The following RBFOX1 variants were observed in gnomAD, a reference collection of about 807,000 sequenced individuals.
RBFOX1 encodes the protein RNA binding protein fox-1 homolog 1.
A neutral mutation model predicts 57.7 loss-of-function variants in RBFOX1; 8 were observed. The observed-to-expected ratio is 0.14, with a 90% confidence interval of 0.08 to 0.25. The LOEUF (loss-of-function observed/expected upper bound fraction) is 0.25, where lower values mean the gene tolerates loss of function less well. Among genes scored for constraint, RBFOX1 ranks in the 10% least tolerant of loss-of-function variants. RBFOX1 has a pLI of 1.00. For missense variants in RBFOX1, 611 were observed against 548.5 expected, an observed-to-expected ratio of 1.11 and a Z score of -1.14; for synonymous variants, 326 against 222.4, an observed-to-expected ratio of 1.47 and a Z score of -4.15.
intron 3 of RBFOX1, among the ~76,000 whole-genome samples, chr16:5,801,050 T>G (rs1219386585): frequency 6.6e-6 from 1 of 152,122 alleles, no homozygotes; most frequent in Non-Finnish European, 1.5e-5. Context: ...GGATTGCCAC[T>G]TTTGATGAAG....
intron 1 of RBFOX1, among the ~76,000 whole-genome samples, chr16:6,204,841 T>G (rs1004398857): frequency 1.3e-5 from 2 of 152,096 alleles, no homozygotes; most frequent in Non-Finnish European, 2.9e-5. Flanking sequence ...AACCCGTAGC[T>G]TTCTGCAAAA....
intron 3 of RBFOX1, among the ~76,000 whole-genome samples, chr16:6,844,977 GTCT>G (rs1254088302): frequency 6.6e-6 from 1 of 152,116 alleles, no homozygotes; most frequent in Admixed American, 6.6e-5. Flanking sequence ...CCGCATGTAT[GTCT>G]TCTTTTGAGA....
At chr16:6,964,785 G>A (rs929098802) in intron 3 of RBFOX1, among the ~76,000 whole-genome samples, 50 of 152,186 alleles carry the variant, frequency 3.3e-4, no homozygotes, top group African/African-American at 1.0e-3. Context: ...CAGCAGGGCT[G>A]TTTGAAAAGC....
At chr16:7,049,759 C>G (rs2049329853) in intron 3 of RBFOX1, among the ~76,000 whole-genome samples, 1 of 152,152 alleles carries the variant, frequency 6.6e-6, no homozygotes, top group African/African-American at 2.4e-5. Flanking sequence ...ATACAGATTT[C>G]CTTGCTGCAT....
At chr16:7,487,813 C>G (rs150876723) in intron 4 of RBFOX1, among the ~76,000 whole-genome samples, 259 of 152,224 alleles carry the variant, frequency 1.7e-3, no homozygotes, top group African/African-American at 5.4e-3. Context: ...ATCCTGATAG[C>G]TTTATTGGAG....
intron 3 of RBFOX1, among the ~76,000 whole-genome samples, chr16:6,778,959 C>G (rs2079863888): frequency 6.6e-6 from 1 of 151,816 alleles, no homozygotes; most frequent in African/African-American, 2.4e-5. Context: ...ATGATCAAAT[C>G]AAGGTAATTG....
chr16:5,680,587 A>C (rs935374680), intron 3 of RBFOX1, among the ~76,000 whole-genome samples: 1 of 152,214 alleles, frequency 6.6e-6, no homozygotes, highest in Non-Finnish European at 1.5e-5. Context: ...TGTTGGAGGC[A>C]TGGATTTAGC....
At chr16:5,351,342 C>A (rs1248725651) in intron 1 of RBFOX1, among the ~76,000 whole-genome samples, 1 of 152,200 alleles carries the variant, frequency 6.6e-6, no homozygotes, top group Non-Finnish European at 1.5e-5. Flanking sequence ...AAGGTAGATA[C>A]ATTCACTGTA....
At chr16:6,867,351 T>A (rs1195284192) in intron 3 of RBFOX1, among the ~76,000 whole-genome samples, 1 of 152,096 alleles carries the variant, frequency 6.6e-6, no homozygotes, top group South Asian at 2.1e-4. Context: ...ATAACCTCTC[T>A]TGGGGTAGTG....
intron 2 of RBFOX1, among the ~76,000 whole-genome samples, chr16:6,509,242 T>G (rs2096194222): frequency 6.6e-6 from 1 of 152,184 alleles, no homozygotes; most frequent in South Asian, 2.1e-4. Context: ...TGGAGGAATT[T>G]TTTTCCTATG....
chr16:7,253,334 G>A (rs2094559319), intron 4 of RBFOX1, among the ~76,000 whole-genome samples: 1 of 152,140 alleles, frequency 6.6e-6, no homozygotes, highest in African/African-American at 2.4e-5. Context: ...ACAAGGAAGA[G>A]CGGAGACATG....
intron 3 of RBFOX1, among the ~76,000 whole-genome samples, chr16:6,779,557 T>C (rs184770593): frequency 1.3e-5 from 2 of 149,774 alleles, no homozygotes; most frequent in African/African-American, 2.4e-5. Context: ...TAAATTATGT[T>C]AGTGTTAGTT....
intron 9 of RBFOX1, among the ~76,000 whole-genome samples, chr16:7,600,810 G>A (rs1038347141): frequency 6.6e-6 from 1 of 152,236 alleles, no homozygotes; most frequent in Non-Finnish European, 1.5e-5. Context: ...CATTATAGAG[G>A]GTTACAGTTA....
chr16:6,209,028 G>A (rs902616014), intron 1 of RBFOX1, among the ~76,000 whole-genome samples: 1 of 152,090 alleles, frequency 6.6e-6, no homozygotes, highest in Non-Finnish European at 1.5e-5. Context: ...AACCTTGAAG[G>A]ATAATTTTGA....
At chr16:5,981,652 A>G (rs770997193) in intron 4 of RBFOX1, among the ~76,000 whole-genome samples, 2 of 152,004 alleles carry the variant, frequency 1.3e-5, no homozygotes. Flanking sequence ...TATTTTTAGT[A>G]GAGATGGGGT....
At chr16:6,437,211 A>T (rs879048165) in intron 2 of RBFOX1, among the ~76,000 whole-genome samples, 3 of 152,228 alleles carry the variant, frequency 2.0e-5, no homozygotes, top group Admixed American at 2.0e-4. Flanking sequence ...TCAATCAGGA[A>T]TGAGCGTCCA....
At chr16:5,795,844 T>A (rs1036098315) in intron 3 of RBFOX1, among the ~76,000 whole-genome samples, 12 of 152,232 alleles carry the variant, frequency 7.9e-5, no homozygotes, top group Non-Finnish European at 1.5e-5. Context: ...TTTCACTGAT[T>A]TGCAAAGCCA....
At chr16:7,414,414 G>A (rs936561035) in intron 4 of RBFOX1, among the ~76,000 whole-genome samples, 2 of 152,154 alleles carry the variant, frequency 1.3e-5, no homozygotes, top group African/African-American at 4.8e-5. Flanking sequence ...TGGAATAAAG[G>A]AAGAAAAATA....
At chr16:7,223,213 C>A (rs569679207) in intron 4 of RBFOX1, among the ~76,000 whole-genome samples, 24 of 152,306 alleles carry the variant, frequency 1.6e-4, no homozygotes, top group African/African-American at 4.6e-4. Context: ...AGCCTAAGAG[C>A]TCAAGTTCAA....
Sources: allele counts gnomAD v4.1 joint callset (sites outside exome capture counted in the v4.1 genomes callset), GRCh38; gene constraint gnomAD v4.1.1; transcripts MANE v1.5; gene names NCBI Gene and HGNC (gene_info 2026-07-23, HGNC 2026-07-21).